The following CLSTN1 variants were observed in gnomAD, a reference collection of about 807,000 sequenced individuals.
The protein encoded by CLSTN1 is calsyntenin 1.
A neutral mutation model predicts 108.3 loss-of-function variants in CLSTN1; 28 were observed. That is an observed-to-expected ratio of 0.26 (90% CI 0.19 to 0.35). The LOEUF (loss-of-function observed/expected upper bound fraction) is 0.35, where lower values mean the gene tolerates loss of function less well. CLSTN1 is among the 10% of genes least tolerant of loss of function. The pLI, the probability that CLSTN1 is intolerant of heterozygous loss-of-function variation, is 1.00. For synonymous variants in CLSTN1, 524 were observed against 534.9 expected (o/e 0.98, Z 0.28); for missense variants, 1,157 against 1,302.6 (o/e 0.89, Z 1.72).
At position 9,801,716 on chromosome 1, in the gene CLSTN1, G is replaced by A. The variant is rs371036549; in HGVS notation, c.91+21927C>T. Reference sequence around the variant, plus strand: ...ATTACAGGCATGCACCACCATGCCCGGCTAACTTTCTGTGTTTTTAGTAGA... The same window carrying A: ...ATTACAGGCATGCACCACCATGCCCAGCTAACTTTCTGTGTTTTTAGTAGA... On this transcript the variant is annotated intron_variant, in intron 1 of 18. Transcript: ENST00000377298. Among the ~76,000 whole-genome samples the A allele has an allele frequency of 7.2e-4, 110 of 152,150 alleles. 2 individuals are homozygous for A. The South Asian group carries it at 0.021, about 30-fold the overall frequency.
intron 1 of CLSTN1, among the ~76,000 whole-genome samples, chr1:9,777,860 T>C (rs1241039806): frequency 6.6e-6 from 1 of 152,108 alleles, no homozygotes; most frequent in East Asian, 1.9e-4. Context: ...AGTTCTGCCC[T>C]CTCGCATCCT....
intron 1 of CLSTN1, among the ~76,000 whole-genome samples, chr1:9,814,058 C>T (rs899815915): frequency 7.9e-5 from 12 of 151,484 alleles, no homozygotes; most frequent in Admixed American, 3.3e-4. Flanking sequence ...GCCAAGATCA[C>T]GCCATTGCAC....
rs777175527 is a variant in CLSTN1 at position 9,741,077 on chromosome 1, G to C, written c.1519+17C>G. 13 of 1,607,634 alleles carry C rather than the reference G, an allele frequency of 8.1e-6. No homozygotes were observed. The highest frequency in any genetic ancestry group is 8.0e-5 in the African/African-American group (6 of 74,798). ...AACTTAATTCTCGAGTCGAGGGCGG[G>C]GGGTAATGACAGGTACCTTGCCAGC... is the stretch of plus-strand genomic sequence containing the variant. On this transcript the variant is annotated intron_variant, in intron 10 of 18. Transcript: ENST00000377298.
chr1:9,820,429 G>T (rs1404024841), intron 1 of CLSTN1, among the ~76,000 whole-genome samples: 1 of 152,098 alleles, frequency 6.6e-6, no homozygotes, highest in Non-Finnish European at 1.5e-5. Flanking sequence ...TGAGGCAGAA[G>T]AATCTCTTGA....
At chr1:9,792,525 T>C (rs72633887) in intron 1 of CLSTN1, among the ~76,000 whole-genome samples, 3,358 of 151,486 alleles carry the variant, frequency 0.022, 63 homozygotes, top group South Asian at 0.032. Context: ...TCCCTCATGA[T>C]TGGGCTGTAA....
chr1:9,742,250 T>C lies in CLSTN1; in HGVS notation c.1357-994A>G, dbSNP rs191684621. Among the ~76,000 whole-genome samples, 476 of 152,330 alleles carry C rather than the reference T, an allele frequency of 3.1e-3. 2 individuals carry two copies. Among genetic ancestry groups the C allele is most frequent in the African/African-American group, 0.011 (470 of 41,578 alleles). On this transcript the variant is annotated intron_variant, in intron 9 of 18. Coordinates refer to ENST00000377298, the MANE Select transcript of CLSTN1 (RefSeq NM_001009566.3). ...TTAATGTGAAAGAGTGCTGTGATTA[T>C]GCTTGTCTATGAGATACATCATGAC...
intron 1 of CLSTN1, among the ~76,000 whole-genome samples, chr1:9,774,931 C>T (rs1337674202): frequency 6.6e-6 from 1 of 152,138 alleles, no homozygotes; most frequent in Non-Finnish European, 1.5e-5. Context: ...AAACTGAGGA[C>T]TCCTCCCCAT....
At position 9,734,514 on chromosome 1, in the gene CLSTN1, G is replaced by A. The variant is rs1337223016; in HGVS notation, c.2111-372C>T. Among the ~76,000 whole-genome samples the A allele has an allele frequency of 2.6e-5, 4 of 151,510 alleles. No homozygotes were observed. The highest frequency in any genetic ancestry group is 4.4e-5 in the Non-Finnish European group (3 of 67,942). On this transcript the variant is annotated intron_variant, in intron 14 of 18. Transcript: ENST00000377298. This position sits in a 1 kb window ranked among gnomAD's most constrained non-coding sequence, Gnocchi z 4.8. ...CGCTTGAACTCAGGAGGTGGATGCT[G>A]CAGTTAGCCAAGATGACACCATTGC...
At chr1:9,793,285 T>G (rs1653849358) in intron 1 of CLSTN1, among the ~76,000 whole-genome samples, 1 of 151,488 alleles carries the variant, frequency 6.6e-6, no homozygotes, top group South Asian at 2.2e-4. Flanking sequence ...AGTGTTGGGA[T>G]TACAGGCGTG....
chr1:9,735,246 T>C (rs1233156167), intron 13 of CLSTN1, 72 bp from the exon 14 acceptor site: 1 of 1,535,600 alleles, frequency 6.5e-7, no homozygotes, highest in African/African-American at 1.4e-5. Flanking sequence ...CAAAGGCACA[T>C]GGAGGTGGGA....
rs530123593 is a variant in CLSTN1 at position 9,809,064 on chromosome 1, C to A, written c.91+14579G>T. On this transcript the variant is annotated intron_variant, in intron 1 of 18. Coordinates refer to ENST00000377298, the MANE Select transcript of CLSTN1 (RefSeq NM_001009566.3). ...TGTCCACCAGAGTGAAAACCTCATACGCAGAAAACACCCACAACCCAAGCT... is the reference window on the plus strand; with the variant it reads ...TGTCCACCAGAGTGAAAACCTCATAAGCAGAAAACACCCACAACCCAAGCT... Among the ~76,000 whole-genome samples the A allele has an allele frequency of 7.9e-5, 12 of 152,334 alleles. No individual in the cohort carries two copies. In the South Asian group the frequency reaches 1.7e-3, roughly 21 times the overall value.
At chr1:9,782,331 A>C (rs1653285859) in intron 1 of CLSTN1, among the ~76,000 whole-genome samples, 1 of 152,228 alleles carries the variant, frequency 6.6e-6, no homozygotes, top group Non-Finnish European at 1.5e-5. Flanking sequence ...TGTAAAATGA[A>C]ACATAGCAAA....
At chr1:9,773,137 C>T in intron 2 of CLSTN1, 135 bp downstream of exon 2, 3 of 1,201,502 alleles carry the variant, frequency 2.5e-6, no homozygotes, top group Non-Finnish European at 2.3e-6. Flanking sequence ...AAAAAACATG[C>T]TACAAAGGAC....
chr1:9,793,034 CAG>C (rs1653837286), intron 1 of CLSTN1, among the ~76,000 whole-genome samples: 1 of 151,092 alleles, frequency 6.6e-6, no homozygotes, highest in South Asian at 2.2e-4. Flanking sequence ...TCTTTTGAGA[CAG>C]AGTCTCAATC....
rs181656169 is a variant in CLSTN1, at chr1:9,743,864, T to G, written c.1356+20A>C. The G allele has an allele frequency of 9.1e-5, 147 of 1,613,500 alleles. No individual in the cohort carries two copies. In the African/African-American group the frequency reaches 1.8e-3, roughly 19 times the overall value. On this transcript the variant is annotated intron_variant, in intron 9 of 18. Coordinates refer to ENST00000377298, the MANE Select transcript of CLSTN1 (RefSeq NM_001009566.3). ...TGAGCACCTTGCCCGGCCCTATTAG[T>G]GCGTTTTCAATTCACTCACCTGATT...
chr1:9,781,063 C>T (rs141608203), intron 1 of CLSTN1: 202 of 643,854 alleles, frequency 3.1e-4, no homozygotes, highest in African/African-American at 3.0e-3. Flanking sequence ...CCAACCTGTA[C>T]TAATCACACA....
chr1:9,784,565 C>T (rs187832328), intron 1 of CLSTN1, among the ~76,000 whole-genome samples: 6 of 152,242 alleles, frequency 3.9e-5, no homozygotes, highest in African/African-American at 1.4e-4. Flanking sequence ...TATCATGACA[C>T]GTAGGTTGGT....
rs1655280144 is a variant in CLSTN1 at position 9,823,645 on chromosome 1, C to A, written c.89G>T (p.Arg30Leu). ...CCCGGCCCAGCCCCGGGGCTTACCT[C>A]GCGCGGCCCAGACCCCGCCGCCGCA... The part of the protein sequence containing the change: ...LLCGGGVWAA[R>L]VNKHKPWLEP... The change falls in exon 1 of 19, where the codon CGA becomes CTA. Residue 30 changes from arginine (R) to leucine (L), a missense_variant and splice_region_variant. By Grantham distance (102) the Arg-to-Leu change is moderately radical (BLOSUM62 -2). Coordinates refer to ENST00000377298, the MANE Select transcript of CLSTN1 (RefSeq NM_001009566.3). This position sits in a 1 kb window ranked among gnomAD's most constrained non-coding sequence, Gnocchi z 6.3. The A allele has an allele frequency of 8.5e-7, 1 of 1,178,378 alleles. No homozygotes were observed. Among genetic ancestry groups the A allele is most frequent in the Non-Finnish European group, 1.1e-6 (1 of 952,252 alleles). The allele number at this position is 1,178,378 out of a possible 1,614,324, so 73.0% of individuals were successfully genotyped here.
At chr1:9,801,679 C>G (rs1452320431) in intron 1 of CLSTN1, among the ~76,000 whole-genome samples, 1 of 152,150 alleles carries the variant, frequency 6.6e-6, no homozygotes, top group Non-Finnish European at 1.5e-5. Context: ...CTCAGCCTCC[C>G]GAGTAGCTGG....
Sources: allele counts gnomAD v4.1 joint callset (sites outside exome capture counted in the v4.1 genomes callset), GRCh38; gene constraint gnomAD v4.1.1; non-coding constraint Gnocchi (gnomAD v3.1); transcripts MANE v1.5; gene names NCBI Gene and HGNC (gene_info 2026-07-23, HGNC 2026-07-21).